TTC39C: variants seen among roughly 807,000 people sequenced by gnomAD.
TTC39C encodes tetratricopeptide repeat protein 39C.
Under a neutral mutation model 76.3 loss-of-function variants are expected in TTC39C, and 33 were observed. That is an observed-to-expected ratio of 0.43 (90% CI 0.33 to 0.58). The LOEUF (loss-of-function observed/expected upper bound fraction) is 0.58. Among genes scored for constraint, TTC39C ranks in the 20% least tolerant of loss-of-function variants. TTC39C has a pLI of 0.04. For missense variants in TTC39C, 595 were observed against 701.4 expected, an observed-to-expected ratio of 0.85 and a Z score of 1.71; for synonymous variants, 254 against 260.6, an observed-to-expected ratio of 0.97 and a Z score of 0.24.
intron 1 of TTC39C, among the ~76,000 whole-genome samples, chr18:24,051,387 C>T (rs572696479): frequency 6.6e-6 from 1 of 152,208 alleles, no homozygotes; most frequent in East Asian, 1.9e-4. Context: ...ATGCAAACAT[C>T]GCTGTACACA....
At chr18:24,028,744 A>T (rs1444956887) in intron 1 of TTC39C, among the ~76,000 whole-genome samples, 1 of 152,180 alleles carries the variant, frequency 6.6e-6, no homozygotes. Context: ...ATTTTTTGAG[A>T]TGGAGTCTTG....
intron 1 of TTC39C, among the ~76,000 whole-genome samples, chr18:24,039,197 A>G (rs2083764501): frequency 6.6e-6 from 1 of 152,150 alleles, no homozygotes; most frequent in African/African-American, 2.4e-5. Flanking sequence ...TTTTCCAAGG[A>G]CACTTCACTT....
chr18:24,122,882 C>T (rs1465399245), intron 8 of TTC39C, among the ~76,000 whole-genome samples: 2 of 152,226 alleles, frequency 1.3e-5, no homozygotes, highest in African/African-American at 4.8e-5. Context: ...TCTGAGCCTT[C>T]TGAAAACCAC....
At chr18:24,125,704 G>C (rs2085042215) in intron 10 of TTC39C, 154 bp downstream of exon 10, 3 of 968,888 alleles carry the variant, frequency 3.1e-6, no homozygotes, top group Middle Eastern at 3.2e-4. Flanking sequence ...TCGTGATGAA[G>C]AAAATCCTGT....
intron 1 of TTC39C, among the ~76,000 whole-genome samples, chr18:24,023,097 A>C (rs900357542): frequency 6.6e-6 from 1 of 152,186 alleles, no homozygotes; most frequent in Non-Finnish European, 1.5e-5. Context: ...TTAAAGGCAT[A>C]GCAGCTCCCC....
At chr18:24,107,893 G>GGT (rs879869347) in intron 6 of TTC39C, among the ~76,000 whole-genome samples, 5 of 145,348 alleles carry the variant, frequency 3.4e-5, no homozygotes, top group Middle Eastern at 3.2e-3. Context: ...CAAGTAGGGG[G>GGT]GGGGGTACAG....
chr18:24,066,286 A>C (rs917768695), intron 3 of TTC39C, 146 bp downstream of exon 3: 2 of 1,079,040 alleles, frequency 1.9e-6, no homozygotes, highest in East Asian at 6.7e-5. Context: ...TTTTGGTTAT[A>C]TAAAATGTTA....
At chr18:24,061,774 C>G (rs530950109) in intron 1 of TTC39C, among the ~76,000 whole-genome samples, 301 of 152,068 alleles carry the variant, frequency 2.0e-3, no homozygotes, top group African/African-American at 6.9e-3. Flanking sequence ...CATGGTGGTG[C>G]CTGCCTGTAA....
rs930797266 is a variant in TTC39C at position 24,132,685 on chromosome 18, G to A, written c.*111G>A. On this transcript the variant is annotated 3_prime_UTR_variant, in exon 14 of 14. Transcript: ENST00000317571. Reference sequence around the variant, plus strand: ...GGCTTTTCTTCTGAAAACCACCTGTGCCAGGGACACATTTTCCCAGTTAAG... The same window carrying A: ...GGCTTTTCTTCTGAAAACCACCTGTACCAGGGACACATTTTCCCAGTTAAG... 2 of 774,202 alleles carry A rather than the reference G, an allele frequency of 2.6e-6. No homozygotes were observed. The highest frequency in any genetic ancestry group is 5.6e-5 in the East Asian group (2 of 35,400). 48.0% of individuals were successfully genotyped at this position (774,202 alleles called of 1,614,324 possible). A position where few individuals can be genotyped will look rare whatever the true frequency, so the allele number is the denominator to read the frequency against.
At chr18:24,035,380 G>C (rs9950178) in intron 1 of TTC39C, among the ~76,000 whole-genome samples, 104,153 of 152,016 alleles carry the variant, frequency 0.69, 36,831 homozygotes, top group Non-Finnish European at 0.79. Flanking sequence ...ATTTTCCACA[G>C]CGATTTTACC....
intron 1 of TTC39C, among the ~76,000 whole-genome samples, chr18:23,998,617 T>TATA (rs1347530610): frequency 4.6e-5 from 7 of 151,906 alleles, no homozygotes; most frequent in African/African-American, 1.2e-4. Flanking sequence ...CTCAAAAATA[T>TATA]ATAATAATAA....
chr18:24,030,575 G>A (rs747923912), intron 1 of TTC39C, among the ~76,000 whole-genome samples: 3 of 150,172 alleles, frequency 2.0e-5, no homozygotes, highest in Non-Finnish European at 4.4e-5. Flanking sequence ...ATAGGTGCAC[G>A]CTGTTCGTGT....
At chr18:24,093,697 C>A (rs912477004) in intron 6 of TTC39C, among the ~76,000 whole-genome samples, 4 of 152,152 alleles carry the variant, frequency 2.6e-5, no homozygotes, top group Non-Finnish European at 4.4e-5. Context: ...TTTCCCAGTG[C>A]ATATAAAAGT....
intron 6 of TTC39C, among the ~76,000 whole-genome samples, chr18:24,086,465 T>C (rs1410250905): frequency 6.6e-6 from 1 of 152,156 alleles, no homozygotes; most frequent in Admixed American, 6.5e-5. Flanking sequence ...GTAGAGTGAA[T>C]ATAGGAGGAT....
chr18:24,062,103 C>T (rs1300702317), intron 1 of TTC39C, among the ~76,000 whole-genome samples: 5 of 152,120 alleles, frequency 3.3e-5, no homozygotes, highest in African/African-American at 1.2e-4. Context: ...GGTTTCTTTT[C>T]CCCCCTCTTA....
intron 6 of TTC39C, among the ~76,000 whole-genome samples, chr18:24,083,565 G>A (rs1175599595): frequency 2.0e-5 from 3 of 152,142 alleles, no homozygotes; most frequent in African/African-American, 7.2e-5. Context: ...ACTGCGTTAA[G>A]AACTTTATAC....
At chr18:24,118,726 C>T (rs1260132957) in intron 8 of TTC39C, among the ~76,000 whole-genome samples, 1 of 151,156 alleles carries the variant, frequency 6.6e-6, no homozygotes, top group Non-Finnish European at 1.5e-5. Context: ...GATCACAGCT[C>T]ACTATAGCCT....
intron 1 of TTC39C, among the ~76,000 whole-genome samples, chr18:24,028,338 A>G (rs1254758667): frequency 6.6e-6 from 1 of 152,170 alleles, no homozygotes; most frequent in Admixed American, 6.5e-5. Flanking sequence ...CTTGTGTGAC[A>G]TTTTGGATCT....
chr18:24,039,170 G>A (rs2083764050), intron 1 of TTC39C, among the ~76,000 whole-genome samples: 1 of 152,154 alleles, frequency 6.6e-6, no homozygotes, highest in Non-Finnish European at 1.5e-5. Flanking sequence ...TGATGAAACT[G>A]CAACTCGAAA....
Sources: allele counts gnomAD v4.1 joint callset (sites outside exome capture counted in the v4.1 genomes callset), GRCh38; gene constraint gnomAD v4.1.1; transcripts MANE v1.5; gene names NCBI Gene and HGNC (gene_info 2026-07-23, HGNC 2026-07-21).